SDF4: variants seen among roughly 807,000 people sequenced by gnomAD.
SDF4 encodes the protein stromal cell derived factor 4.
SDF4 carries 22 observed loss-of-function variants against 34.2 expected under a neutral mutation model. That is an observed-to-expected ratio of 0.64 (90% CI 0.46 to 0.92). The LOEUF is 0.92. Ranked by LOEUF, SDF4 falls within the 40% of genes least tolerant of loss-of-function variation. The pLI is 0.00. For synonymous variants in SDF4, 236 were observed against 203.1 expected (o/e 1.16, Z -1.38); for missense variants, 447 against 499.9 (o/e 0.89, Z 1.01).
chr1:1,225,567 CCA>C (rs1204391216), intron 2 of SDF4, among the ~76,000 whole-genome samples: 3 of 152,230 alleles, frequency 2.0e-5, no homozygotes, highest in Non-Finnish European at 4.4e-5. Flanking sequence ...ACCCTCAGCT[CCA>C]CAGTCCCCAA....
intron 4 of SDF4, chr1:1,220,912 C>A: frequency 2.3e-6 from 1 of 441,312 alleles, no homozygotes; most frequent in Non-Finnish European, 4.1e-6. Context: ...GAGGCACGAA[C>A]CGTGTGTGGG....
intron 2 of SDF4, among the ~76,000 whole-genome samples, chr1:1,224,212 CCT>C (rs776432023): frequency 6.6e-6 from 1 of 152,184 alleles, no homozygotes; most frequent in Non-Finnish European, 1.5e-5. Flanking sequence ...GGACCCTCCC[CCT>C]CTGTCACACA....
At chr1:1,223,067 ACG>A (rs201430263) in intron 4 of SDF4, 175 bp downstream of exon 4, 2 of 610,726 alleles carry the variant, frequency 3.3e-6, no homozygotes, top group Non-Finnish European at 5.9e-6. Flanking sequence ...ACATGCACAC[ACG>A]TACTCACGAG....
chr1:1,228,077 C>T (rs1375083960), intron 2 of SDF4, among the ~76,000 whole-genome samples: 1 of 152,244 alleles, frequency 6.6e-6, no homozygotes, highest in Non-Finnish European at 1.5e-5. Context: ...CCTGTGGCAG[C>T]CCCTCACTCC....
Position 1,230,706 on chromosome 1 carries a change from G to A in SDF4, c.-175+1186C>T, listed in dbSNP as rs11260564. ...ACTCCTGACCTGAAGTGATCCTCCT[G>A]CCTCGGCCTCCCAAAGTGCTGGGAC... On this transcript the variant is annotated intron_variant, in intron 1 of 6. Transcript: ENST00000360001. 5.2e-3 allele frequency among the ~76,000 whole-genome samples: 794 copies of A among 152,318 alleles called. 41 individuals are homozygous for A. The East Asian group carries it at 0.13, about 25-fold the overall frequency.
rs971949989 is a variant in SDF4 at position 1,217,029 on chromosome 1, G to C, written c.*483C>G. The C allele has an allele frequency of 6.6e-6, 1 of 152,244 alleles. No homozygotes were observed. Among genetic ancestry groups the C allele is most frequent in the South Asian group, 2.1e-4 (1 of 4,830 alleles). 9.4% of individuals were successfully genotyped at this position (152,244 alleles called of 1,614,324 possible). Reference sequence around the variant, plus strand: ...TGGGTGGCTCCGACACGCCAGGCCCGGGAAGGACCCGGCACCCTCCCCTGA... The same window carrying C: ...TGGGTGGCTCCGACACGCCAGGCCCCGGAAGGACCCGGCACCCTCCCCTGA... On this transcript the variant is annotated 3_prime_UTR_variant, in exon 7 of 7. Transcript: ENST00000360001. The surrounding 1 kb of genome is among the most constrained non-coding windows in gnomAD (Gnocchi z 8.5).
At chr1:1,228,978 G>C in intron 1 of SDF4, 32 bp from the exon 2 acceptor site, 1 of 589,684 alleles carries the variant, frequency 1.7e-6, no homozygotes. Context: ...TCATTAGCAA[G>C]ACTCAGCAAA....
chr1:1,224,422 GGGGT>G (rs1309107520), intron 2 of SDF4, among the ~76,000 whole-genome samples: 1 of 152,178 alleles, frequency 6.6e-6, no homozygotes, highest in Non-Finnish European at 1.5e-5. Flanking sequence ...TGGGATTACA[GGGGT>G]GCACCACCAC....
chr1:1,219,873 G>A (rs1297052657), intron 4 of SDF4: 14 of 985,692 alleles, frequency 1.4e-5, no homozygotes, highest in African/African-American at 1.7e-5. Context: ...CCTCTGCGTC[G>A]CGCTCACTGC....
intron 4 of SDF4, chr1:1,219,941 C>T (rs79501625): frequency 0.085 from 83,372 of 985,630 alleles, 3,860 homozygotes; most frequent in East Asian, 0.13. Flanking sequence ...TCCATCTACA[C>T]GACCGGTTCA....
chr1:1,219,237 G>A (rs1417538738), intron 4 of SDF4: 32 of 1,142,338 alleles, frequency 2.8e-5, no homozygotes, highest in East Asian at 5.4e-5. Flanking sequence ...ATACATGGAT[G>A]GCCCTGACTC....
intron 4 of SDF4, among the ~76,000 whole-genome samples, chr1:1,222,172 G>T (rs372518956): frequency 1.3e-5 from 2 of 152,228 alleles, no homozygotes; most frequent in African/African-American, 4.8e-5. Flanking sequence ...GACTCTGCAC[G>T]TTCTCCTCAA....
chr1:1,219,601 C>G (rs189401229), intron 4 of SDF4: 1 of 987,050 alleles, frequency 1.0e-6, no homozygotes, highest in Non-Finnish European at 1.2e-6. Flanking sequence ...CCCTCCCAGC[C>G]GGGACACGGC....
At chr1:1,220,099 C>T (rs1045886846) in intron 4 of SDF4, 118 of 986,206 alleles carry the variant, frequency 1.2e-4, no homozygotes, top group Non-Finnish European at 1.3e-4. Flanking sequence ...GGCCGAGAGA[C>T]GCTTTCTCCA....
Position 1,218,358 on chromosome 1 carries a change from A to C in SDF4, c.891+100T>G. 2.3e-6 allele frequency: 3 copies of C among 1,319,148 alleles called. No homozygotes were observed. Among genetic ancestry groups the C allele is most frequent in the Non-Finnish European group, 3.1e-6 (3 of 966,648 alleles). 81.7% of individuals were successfully genotyped at this position (1,319,148 alleles called of 1,614,324 possible). ...CAGCCCAGATGGAGTCTCAGGCCAGACACCAGCACAGCTTCCTGCCTCAGG... is the reference window on the plus strand; with the variant it reads ...CAGCCCAGATGGAGTCTCAGGCCAGCCACCAGCACAGCTTCCTGCCTCAGG... On this transcript the variant is annotated intron_variant, in intron 6 of 6. Transcript: ENST00000360001. This position sits in a 1 kb window ranked among gnomAD's most constrained non-coding sequence, Gnocchi z 7.9.
In SDF4 at chr1:1,218,383, G is replaced by A; in HGVS notation, c.891+75C>T. ...ACACCAGCACAGCTTCCTGCCTCAG[G>A]CCCAGATCCACCAGCCCCTCCCGCC... On this transcript the variant is annotated intron_variant, in intron 6 of 6. Transcript: ENST00000360001. This position sits in a 1 kb window ranked among gnomAD's most constrained non-coding sequence, Gnocchi z 7.9. 6.7e-7 allele frequency: 1 copy of A among 1,497,620 alleles called. No individual in the cohort carries two copies. The highest frequency in any genetic ancestry group is 9.0e-7 in the Non-Finnish European group (1 of 1,108,110). The allele number at this position is 1,497,620 out of a possible 1,614,324, so 92.8% of individuals were successfully genotyped here. A position where few individuals can be genotyped will look rare whatever the true frequency, so the allele number is the denominator to read the frequency against.
In SDF4 at chr1:1,228,605, G is replaced by C. The variant is rs374721191; in HGVS notation, c.168C>G (p.Asn56Lys). 1 of 1,613,230 alleles carries C rather than the reference G, an allele frequency of 6.2e-7. No homozygotes were observed. The highest frequency in any genetic ancestry group is 1.3e-5 in the African/African-American group (1 of 75,060). ...GCCCGTCCATCTCCAGCTTCACCCC[G>C]TTCAGGTGGTCTGGGGGCAGGATCT... is the stretch of plus-strand genomic sequence containing the variant. Reference protein sequence around the residue: ...ENEILPPDHLNGVKLEMDGHL... With the variant: ...ENEILPPDHLKGVKLEMDGHL... The change falls in exon 2 of 7, where the codon AAC (asparagine) becomes AAG (lysine). Residue 56 changes from asparagine (N) to lysine (K), a missense_variant. Physicochemically the swap from Asn to Lys is moderately conservative, Grantham distance 94 (BLOSUM62 0). Transcript: ENST00000360001.
chr1:1,221,292 G>A (rs539557670), intron 4 of SDF4: 121 of 157,894 alleles, frequency 7.7e-4, no homozygotes, highest in African/African-American at 2.4e-3. Flanking sequence ...GGTCACTCGC[G>A]CCTGCAACCC....
intron 4 of SDF4, chr1:1,219,933 C>T: frequency 1.0e-6 from 1 of 953,434 alleles, no homozygotes; most frequent in South Asian, 5.0e-5. Context: ...GAACAACCTC[C>T]ATCTACACGA....
Sources: gnomAD v4.1 joint callset for allele counts (sites outside exome capture counted in the v4.1 genomes callset) on GRCh38, gnomAD v4.1.1 for gene constraint, Gnocchi (gnomAD v3.1) non-coding constraint, MANE v1.5 for transcripts, NCBI Gene and HGNC (gene_info 2026-07-23, HGNC 2026-07-21) for gene names.